The following C20orf96 variants were observed in gnomAD, a reference collection of about 807,000 sequenced individuals.
C20orf96 encodes chromosome 20 open reading frame 96.
A neutral mutation model predicts 52.6 loss-of-function variants in C20orf96; 57 were observed. The observed-to-expected ratio is 1.08, with a 90% confidence interval of 0.88 to 1.35. The LOEUF (loss-of-function observed/expected upper bound fraction) is 1.35. Ranked by LOEUF, C20orf96 falls within the 40% of genes most tolerant of loss-of-function variation. The pLI, the probability that C20orf96 is intolerant of heterozygous loss-of-function variation, is 0.00. For synonymous variants in C20orf96, 168 were observed against 157.2 expected (o/e 1.07, Z -0.51); for missense variants, 478 against 443.6 (o/e 1.08, Z -0.70).
intron 10 of C20orf96, among the ~76,000 whole-genome samples, chr20:274,838 T>C (rs1037709484): frequency 1.3e-5 from 2 of 151,800 alleles, no homozygotes; most frequent in Non-Finnish European, 2.9e-5. Flanking sequence ...AATTTTTTTT[T>C]AGATGGAGTC....
At position 278,384 on chromosome 20, in the gene C20orf96, GC is replaced by G; in HGVS notation, c.510del (p.Gln170HisfsTer3). On this transcript the variant is annotated frameshift_variant, in exon 6 of 11. Coordinates refer to ENST00000360321, the MANE Select transcript of C20orf96 (RefSeq NM_153269.3). LOFTEE classifies it high-confidence loss of function. ...CACTCCTGAAGCTCAGATTTCAATT[GC>G]TGCAGCCTCTTCTTGTTTGAGTACT... ...ILEYSNKKRL[Q>X]QLKSELQEWE... 6.2e-7 allele frequency: 1 copy of G among 1,613,916 alleles called. No homozygotes were observed. The highest frequency in any genetic ancestry group is 1.6e-4 in the Middle Eastern group (1 of 6,062).
chr20:275,265 C>T lies in C20orf96; in HGVS notation c.1031+703G>A, dbSNP rs75949011. Among the ~76,000 whole-genome samples the T allele has an allele frequency of 9.9e-4, 151 of 152,220 alleles. No homozygotes were observed. The East Asian group carries it at 0.022, about 23-fold the overall frequency. ...CGGGACCAAGGACTGTTCTCATTCA[C>T]ATGGTGCCTGGCATTCAGAGGCACT... On this transcript the variant is annotated intron_variant, in intron 10 of 10. Transcript: ENST00000360321.
chr20:289,756 G>T, intron 2 of C20orf96, 80 bp from the exon 3 acceptor site: 1 of 1,149,526 alleles, frequency 8.7e-7, no homozygotes, highest in Non-Finnish European at 1.3e-6. Context: ...GTGACCCCAA[G>T]CAAGTGACTT....
chr20:290,406 G>A, intron 1 of C20orf96, 99 bp from the exon 2 acceptor site: 1 of 1,561,998 alleles, frequency 6.4e-7, no homozygotes, highest in Non-Finnish European at 8.7e-7. Context: ...ACCAGAAACT[G>A]CAGTTTACCG....
At position 277,277 on chromosome 20, in the gene C20orf96, G is replaced by A. The variant is rs1410342162; in HGVS notation, c.672C>T (p.Val224=). Residue 224 remains valine, a synonymous_variant, in exon 7 of 11, where the codon GTC becomes GTT. Transcript: ENST00000360321. ...YMDHEYSIKS[V]QISTLMRQLQ... ...GCTGGCGCATAAGAGTGGAGATCTG[G>A]ACAGACTTGATGGAATACTCATGGT... is the stretch of plus-strand genomic sequence containing the variant. The A allele has an allele frequency of 1.9e-6, 3 of 1,614,058 alleles. No individual in the cohort carries two copies. Among genetic ancestry groups the A allele is most frequent in the Admixed American group, 3.3e-5 (2 of 60,018 alleles).
rs540093816 is a variant in C20orf96, at chr20:279,285, G to T, written c.352C>A (p.Arg118Ser). The T allele has an allele frequency of 1.9e-6, 3 of 1,609,928 alleles. No individual in the cohort carries two copies. The highest frequency in any genetic ancestry group is 2.7e-5 in the African/African-American group (2 of 74,852). ...TTGAGCTTGCTGAGGAAGTTCTCAC[G>T]GCTTCGGAGCTCTCGCAGAGCGGCC... ...GRAALRELRSRENFLSKLNRE... is the reference protein window; with the variant it reads ...GRAALRELRSSENFLSKLNRE... Residue 118 changes from arginine (R) to serine (S), a missense_variant, in exon 5 of 11, where the codon CGT becomes AGT. Transcript: ENST00000360321.
intron 2 of C20orf96, among the ~76,000 whole-genome samples, 157 bp downstream of exon 2, chr20:290,102 C>T (rs1383779103): frequency 1.3e-5 from 2 of 152,124 alleles, no homozygotes; most frequent in African/African-American, 2.4e-5. Context: ...GGTTCTGAGG[C>T]TTGCTCTGGG....
chr20:278,989 AGGGC>A (rs1432580644), intron 5 of C20orf96, among the ~76,000 whole-genome samples, 179 bp downstream of exon 5: 4 of 4,536 alleles, frequency 8.8e-4, no homozygotes, highest in African/African-American at 1.8e-3. Context: ...GGAGGGACGG[AGGGC>A]GGGACGGCGG....
chr20:273,675 A>C (rs1452263460), intron 10 of C20orf96, among the ~76,000 whole-genome samples: 1 of 152,078 alleles, frequency 6.6e-6, no homozygotes, highest in Non-Finnish European at 1.5e-5. Flanking sequence ...CAGGAGTTTG[A>C]GACCAGCCTG....
At position 271,129 on chromosome 20, in the gene C20orf96, G is replaced by C. The variant is rs111925487; in HGVS notation, c.*78C>G. On this transcript the variant is annotated 3_prime_UTR_variant, in exon 11 of 11. Transcript: ENST00000360321. ...TAGATCAGGGTCTGAATGGAGATCC[G>C]GTCCTGGAAGTAAATGATCCAAGGC... 7.3e-5 allele frequency: 90 copies of C among 1,232,268 alleles called. No homozygotes were observed. The highest frequency in any genetic ancestry group is 6.0e-5 in the Admixed American group (3 of 50,252). 76.3% of individuals were successfully genotyped at this position (1,232,268 alleles called of 1,614,324 possible).
At chr20:286,548 A>C (rs1462184718) in intron 3 of C20orf96, among the ~76,000 whole-genome samples, 1 of 146,694 alleles carries the variant, frequency 6.8e-6, no homozygotes, top group Admixed American at 6.9e-5. Flanking sequence ...AAAGGAAAGG[A>C]GAGGAGAGGA....
At chr20:273,103 C>A (rs118046610) in intron 10 of C20orf96, among the ~76,000 whole-genome samples, 1 of 152,066 alleles carries the variant, frequency 6.6e-6, no homozygotes, top group Admixed American at 6.6e-5. Flanking sequence ...GCCTTCACTG[C>A]AGCTGGGACT....
At chr20:276,722 T>C (rs2012036274) in intron 9 of C20orf96, 71 bp downstream of exon 9, 2 of 1,569,574 alleles carry the variant, frequency 1.3e-6, no homozygotes, top group South Asian at 1.1e-5. Flanking sequence ...GCCTGACTCA[T>C]TCCCACAGGC....
At position 290,401 on chromosome 20, in the gene C20orf96, A is replaced by C. The variant is rs2012508724; in HGVS notation, c.21-94T>G. ...AAACAGGATTGGAGTCTCGAACCAG[A>C]AACTGCAGTTTACCGGGGACAATAG... On this transcript the variant is annotated intron_variant, in intron 1 of 10. Transcript: ENST00000360321. 3 of 1,567,004 alleles carry C rather than the reference A, an allele frequency of 1.9e-6. No homozygotes were observed. In the East Asian group the frequency reaches 7.0e-5, roughly 36 times the overall value.
chr20:288,174 CTTTTTTTTTTTTTT>C (rs1237648367), intron 3 of C20orf96, among the ~76,000 whole-genome samples: 1 of 66,050 alleles, frequency 1.5e-5, no homozygotes, highest in Admixed American at 1.8e-4. Flanking sequence ...TTTTCTTTTT[CTTTTTTTTTTTTTT>C]TTTTTTTTTG....
At chr20:274,055 G>GAA (rs1303527200) in intron 10 of C20orf96, among the ~76,000 whole-genome samples, 5 of 151,760 alleles carry the variant, frequency 3.3e-5, no homozygotes, top group African/African-American at 1.2e-4. Context: ...AGAAAGAAAA[G>GAA]AAAAGAAAAA....
intron 3 of C20orf96, among the ~76,000 whole-genome samples, chr20:288,158 C>CTCTCTTTTTCTT (rs2012436819): frequency 1.1e-5 from 1 of 89,724 alleles, no homozygotes. Context: ...TAAATCATTT[C>CTCTCTTTTTCTT]TTTCTTTTTC....
intron 10 of C20orf96, 91 bp downstream of exon 10, chr20:275,877 T>A: frequency 1.6e-6 from 2 of 1,233,982 alleles, no homozygotes; most frequent in Admixed American, 1.7e-5. Flanking sequence ...GGTTCTGCCA[T>A]CCACACCAGG....
chr20:285,718 A>G (rs1261978161), intron 3 of C20orf96, among the ~76,000 whole-genome samples: 1 of 152,166 alleles, frequency 6.6e-6, no homozygotes, highest in Middle Eastern at 3.2e-3. Context: ...AATAGCTGGG[A>G]TAACAGGTGC....
Sources: allele counts gnomAD v4.1 joint callset (sites outside exome capture counted in the v4.1 genomes callset), GRCh38; gene constraint gnomAD v4.1.1; transcripts MANE v1.5; gene names NCBI Gene and HGNC (gene_info 2026-07-23, HGNC 2026-07-21).